The following STRN3 variants were observed in gnomAD, a reference collection of about 807,000 sequenced individuals.
The protein encoded by STRN3 is striatin 3, also known as striatin-3.
A neutral mutation model predicts 95.6 loss-of-function variants in STRN3; 29 were observed. That is an observed-to-expected ratio of 0.30 (90% CI 0.23 to 0.41). STRN3 has a LOEUF of 0.41. Ranked by LOEUF, STRN3 falls within the 10% of genes least tolerant of loss-of-function variation. The probability of loss-of-function intolerance (pLI) is 1.00; values close to 1 mark genes in which losing one functional copy is unlikely to be tolerated. For missense variants in STRN3, 890 were observed against 972.1 expected (o/e 0.92, Z 1.12); for synonymous variants, 331 against 357.6 (o/e 0.93, Z 0.84).
chr14:31,002,581 C>G, intron 1 of STRN3, among the ~76,000 whole-genome samples: 1 of 149,410 alleles, frequency 6.7e-6, no homozygotes, highest in East Asian at 2.0e-4. Context: ...GCTGAGGTTA[C>G]AGTGAGCCAA....
chr14:30,909,114 A>G (rs9671651), intron 13 of STRN3, among the ~76,000 whole-genome samples: 1 of 152,192 alleles, frequency 6.6e-6, no homozygotes, highest in African/African-American at 2.4e-5. Context: ...GATGGCTGTA[A>G]AACTTTGTGA....
At chr14:30,962,400 A>C (rs1045590859) in intron 1 of STRN3, among the ~76,000 whole-genome samples, 7 of 152,220 alleles carry the variant, frequency 4.6e-5, no homozygotes, top group South Asian at 2.1e-4. Flanking sequence ...CTAAGTATAC[A>C]GTGTTTATAC....
At chr14:30,929,121 T>C in intron 8 of STRN3, 80 bp downstream of exon 8, 1 of 1,219,946 alleles carries the variant, frequency 8.2e-7, no homozygotes, top group East Asian at 2.5e-5. Flanking sequence ...AAAATTAAGT[T>C]ACACAAAGAA....
chr14:30,968,041 C>A (rs1281329795), intron 1 of STRN3, among the ~76,000 whole-genome samples: 1 of 152,030 alleles, frequency 6.6e-6, no homozygotes, highest in Non-Finnish European at 1.5e-5. Flanking sequence ...CTCAGCCAAG[C>A]CTTAAAGTAC....
chr14:31,025,656 G>A (rs1271322493), intron 1 of STRN3: 1 of 586,050 alleles, frequency 1.7e-6, no homozygotes, highest in Admixed American at 3.4e-5. Flanking sequence ...CATACTAAAA[G>A]CCAAAATGGC....
At chr14:30,910,095 G>A (rs1173259926) in intron 13 of STRN3, among the ~76,000 whole-genome samples, 2 of 152,156 alleles carry the variant, frequency 1.3e-5, no homozygotes, top group Non-Finnish European at 2.9e-5. Context: ...AACAGACACA[G>A]TCACCTTTTT....
At chr14:30,913,147 A>G (rs1165502256) in intron 10 of STRN3, among the ~76,000 whole-genome samples, 3 of 152,214 alleles carry the variant, frequency 2.0e-5, no homozygotes, top group South Asian at 2.1e-4. Context: ...TTAAGAAAAT[A>G]AAAGTTCAAA....
chr14:30,903,649 T>G (rs77864021), intron 15 of STRN3, among the ~76,000 whole-genome samples: 1 of 152,218 alleles, frequency 6.6e-6, no homozygotes, highest in Non-Finnish European at 1.5e-5. Context: ...TCTTCCCACA[T>G]TGGCCTCCCA....
intron 5 of STRN3, among the ~76,000 whole-genome samples, chr14:30,946,870 T>C (rs1280075938): frequency 6.6e-6 from 1 of 151,594 alleles, no homozygotes; most frequent in African/African-American, 2.4e-5. Context: ...TCCCAGCTAC[T>C]TGGGAGGCTG....
intron 1 of STRN3, among the ~76,000 whole-genome samples, chr14:31,016,891 A>G (rs1405075327): frequency 6.6e-6 from 1 of 152,222 alleles, no homozygotes; most frequent in African/African-American, 2.4e-5. Context: ...GCAGTAGCTG[A>G]CACCTGTAAT....
intron 1 of STRN3, 105 bp downstream of exon 1, chr14:31,025,799 T>C: frequency 3.4e-6 from 5 of 1,481,700 alleles, no homozygotes; most frequent in Non-Finnish European, 4.5e-6. Context: ...TAGGTTCCGC[T>C]CGGCCTCCCA....
intron 1 of STRN3, among the ~76,000 whole-genome samples, chr14:30,968,751 TG>T (rs1268658057): frequency 3.4e-5 from 3 of 87,382 alleles, no homozygotes; most frequent in Non-Finnish European, 9.2e-5. Flanking sequence ...GTGAAAGTTG[TG>T]GAGAAAAAAA....
intron 1 of STRN3, 167 bp downstream of exon 1, chr14:31,025,737 G>C: frequency 1.1e-6 from 1 of 907,266 alleles, no homozygotes; most frequent in East Asian, 3.0e-5. Context: ...AAGAGGGAGG[G>C]GGACTCCAGG....
intron 5 of STRN3, among the ~76,000 whole-genome samples, chr14:30,944,923 T>C (rs893475871): frequency 3.3e-5 from 5 of 152,136 alleles, no homozygotes; most frequent in Admixed American, 3.3e-4. Flanking sequence ...GACCAGAATA[T>C]ATTTTAGATA....
Position 30,912,040 on chromosome 14 carries a change from A to C in STRN3, c.1517T>G (p.Leu506Arg), listed in dbSNP as rs1346964105. 6.2e-7 allele frequency: 1 copy of C among 1,612,468 alleles called. No individual in the cohort carries two copies. Among genetic ancestry groups the C allele is most frequent in the South Asian group, 1.1e-5 (1 of 90,488 alleles). Reference sequence around the variant, plus strand: ...AGGAACTGTTTTTTGCAGGTTCCAAAGTTTCAGGGTATGGTCCTCAGAAGC... The same window carrying C: ...AGGAACTGTTTTTTGCAGGTTCCAACGTTTCAGGGTATGGTCCTCAGAAGC... The part of the protein sequence containing the change: ...VTASEDHTLK[L>R]WNLQKTVPAK... Residue 506 changes from leucine (L) to arginine (R), a missense_variant, in exon 11 of 18, where the codon CTT becomes CGT. Leu to Arg is a moderately radical substitution (Grantham distance 102). Transcript: ENST00000357479.
chr14:30,960,047 C>G (rs961447877), intron 1 of STRN3, among the ~76,000 whole-genome samples: 4 of 152,034 alleles, frequency 2.6e-5, no homozygotes, highest in African/African-American at 9.7e-5. Flanking sequence ...CCTAGAACAG[C>G]CAAGACAATT....
At chr14:31,006,789 A>C (rs190394922) in intron 1 of STRN3, among the ~76,000 whole-genome samples, 1 of 152,310 alleles carries the variant, frequency 6.6e-6, no homozygotes, top group Admixed American at 6.5e-5. Context: ...AGAGACATGA[A>C]AGTTCAAAGA....
chr14:31,014,558 T>G (rs1883149903), intron 1 of STRN3: 1 of 384,812 alleles, frequency 2.6e-6, no homozygotes, highest in African/African-American at 2.2e-5. Flanking sequence ...TACGTCTGTT[T>G]ATAAAGTCTA....
chr14:30,915,931 T>G (rs917127092), intron 9 of STRN3, among the ~76,000 whole-genome samples: 2 of 152,244 alleles, frequency 1.3e-5, no homozygotes. Flanking sequence ...AAAATTAGTA[T>G]TATACTCATT....
Sources: gnomAD v4.1 joint callset for allele counts (sites outside exome capture counted in the v4.1 genomes callset) on GRCh38, gnomAD v4.1.1 for gene constraint, MANE v1.5 for transcripts, NCBI Gene and HGNC (gene_info 2026-07-23, HGNC 2026-07-21) for gene names.